The following LUC7L3 variants were observed in gnomAD, a reference collection of about 807,000 sequenced individuals.
LUC7L3 encodes luc7-like protein 3.
Under a neutral mutation model 66.8 loss-of-function variants are expected in LUC7L3, and 6 were observed. That is an observed-to-expected ratio of 0.09 (90% CI 0.05 to 0.18). The LOEUF (loss-of-function observed/expected upper bound fraction) is 0.18. Ranked by LOEUF, LUC7L3 falls within the 10% of genes least tolerant of loss-of-function variation. LUC7L3 has a pLI of 1.00. For synonymous variants in LUC7L3, 160 were observed against 174.7 expected (o/e 0.92, Z 0.66); for missense variants, 341 against 531.1 (o/e 0.64, Z 3.52).
At chr17:50,731,195 GTCTC>G (rs1969583469) in intron 1 of LUC7L3, among the ~76,000 whole-genome samples, 1 of 152,110 alleles carries the variant, frequency 6.6e-6, no homozygotes, top group Non-Finnish European at 1.5e-5. Context: ...TTTTGAGACA[GTCTC>G]TCTCTGTCAT....
intron 7 of LUC7L3, 76 bp from the exon 8 acceptor site, chr17:50,745,644 A>C: frequency 8.5e-7 from 1 of 1,174,792 alleles, no homozygotes; most frequent in Non-Finnish European, 1.2e-6. Context: ...TCTACAGATA[A>C]CTTCACATTA....
Position 50,752,814 on chromosome 17 carries a change from T to G in LUC7L3, c.*2153T>G, listed in dbSNP as rs1027242643. On this transcript the variant is annotated 3_prime_UTR_variant, in exon 10 of 10. Transcript: ENST00000505658. ...TTAAGACTAATTTTTATAGACTTTC[T>G]AATGTTTTAAATAATGGTGCTTCAA... 6.6e-6 allele frequency: 1 copy of G among 152,228 alleles called. No homozygotes were observed. Among genetic ancestry groups the G allele is most frequent in the Non-Finnish European group, 1.5e-5 (1 of 68,032 alleles). The allele number at this position is 152,228 out of a possible 1,614,324, so 9.4% of individuals were successfully genotyped here. A position where few individuals can be genotyped will look rare whatever the true frequency, so the allele number is the denominator to read the frequency against.
At chr17:50,730,122 C>G (rs1041270325) in intron 1 of LUC7L3, among the ~76,000 whole-genome samples, 1 of 151,048 alleles carries the variant, frequency 6.6e-6, no homozygotes, top group African/African-American at 2.4e-5. Context: ...ACTATAGGCC[C>G]GCACCACCCC....
intron 1 of LUC7L3, among the ~76,000 whole-genome samples, chr17:50,726,744 T>C (rs866525414): frequency 3.3e-5 from 5 of 152,160 alleles, no homozygotes; most frequent in Admixed American, 6.5e-5. Context: ...TTATAGTTAT[T>C]TTTTTCCCTA....
chr17:50,730,591 A>T lies in LUC7L3; in HGVS notation c.100-6369A>T, dbSNP rs140200954. ...AAAATATTTGATTAGCTCAAAGGAG[A>T]ATTGTATTGCTTAGTGTTGGATCTA... On this transcript the variant is annotated intron_variant, in intron 1 of 9. Transcript: ENST00000505658. Among the ~76,000 whole-genome samples, 553 of 151,014 alleles carry T rather than the reference A, an allele frequency of 3.7e-3. 4 individuals carry two copies. The highest frequency in any genetic ancestry group is 0.013 in the African/African-American group (535 of 41,196).
rs890173817 is a variant in LUC7L3 at position 50,751,949 on chromosome 17, AT to A, written c.*1291del. On this transcript the variant is annotated 3_prime_UTR_variant, in exon 10 of 10. Transcript: ENST00000505658. ...AATGAAAGGAAGTACCAATTAGTTG[AT>A]TTGTTGGTGGCATTCCCCTTTTGGG... 2.9e-5 allele frequency: 30 copies of A among 1,032,496 alleles called. No individual in the cohort carries two copies. The highest frequency in any genetic ancestry group is 9.6e-4 in the Middle Eastern group (2 of 2,088). 64.0% of individuals were successfully genotyped at this position (1,032,496 alleles called of 1,614,324 possible).
chr17:50,738,807 C>A lies in LUC7L3; in HGVS notation c.167-1499C>A, dbSNP rs140918961. On this transcript the variant is annotated intron_variant, in intron 2 of 9. Coordinates refer to ENST00000505658, the MANE Select transcript of LUC7L3 (RefSeq NM_016424.5). ...ATTTGCAGTACTAAAGGACATTCAT[C>A]TTTAGGTTGAGCAGGTCCTACAAGT... 4.6e-5 allele frequency among the ~76,000 whole-genome samples: 7 copies of A among 151,992 alleles called. No homozygotes were observed. The East Asian group carries it at 1.4e-3, about 29-fold the overall frequency.
At chr17:50,740,977 T>G in intron 3 of LUC7L3, 125 bp from the exon 4 acceptor site, 1 of 917,440 alleles carries the variant, frequency 1.1e-6, no homozygotes, top group Non-Finnish European at 1.7e-6. Context: ...GAAAGTCACT[T>G]CAAATACACC....
Position 50,719,652 on chromosome 17 carries a change from G to C in LUC7L3, c.-81G>C, listed in dbSNP as rs1015240920. 1 of 1,207,326 alleles carries C rather than the reference G, an allele frequency of 8.3e-7. No homozygotes were observed. Among genetic ancestry groups the C allele is most frequent in the Non-Finnish European group, 1.2e-6 (1 of 833,848 alleles). The allele number at this position is 1,207,326 out of a possible 1,614,324, so 74.8% of individuals were successfully genotyped here. On this transcript the variant is annotated 5_prime_UTR_variant, in exon 1 of 10. Transcript: ENST00000505658. ...AGGGATTTCGGCCTGAGAGCGGGCC[G>C]AGGAGATTGGCGACGGTGTCGCCCG... is the stretch of plus-strand genomic sequence containing the variant.
intron 2 of LUC7L3, among the ~76,000 whole-genome samples, chr17:50,739,440 TGAG>T (rs1490371172): frequency 6.6e-6 from 1 of 152,024 alleles, no homozygotes; most frequent in Non-Finnish European, 1.5e-5. Flanking sequence ...TCACTCGAGG[TGAG>T]GAGTTCAAGA....
intron 1 of LUC7L3, among the ~76,000 whole-genome samples, chr17:50,721,286 G>C (rs1275487806): frequency 6.6e-6 from 1 of 152,118 alleles, no homozygotes; most frequent in African/African-American, 2.4e-5. Context: ...TTATCAGTTG[G>C]AACAGCCTTG....
At chr17:50,736,687 C>A in intron 1 of LUC7L3, 1 of 340,210 alleles carries the variant, frequency 2.9e-6, no homozygotes, top group South Asian at 4.4e-5. Flanking sequence ...GATGTCTTTC[C>A]CATATTTGTT....
At chr17:50,736,115 A>C (rs1969970204) in intron 1 of LUC7L3, among the ~76,000 whole-genome samples, 2 of 152,226 alleles carry the variant, frequency 1.3e-5, no homozygotes, top group Admixed American at 6.5e-5. Context: ...CCTGGGCAAC[A>C]GAGTGAGTGA....
At chr17:50,740,771 G>C (rs1970299751) in intron 3 of LUC7L3, among the ~76,000 whole-genome samples, 1 of 152,150 alleles carries the variant, frequency 6.6e-6, no homozygotes, top group South Asian at 2.1e-4. Flanking sequence ...TGTTGGCCAG[G>C]CTGGTCTCAA....
intron 1 of LUC7L3, 128 bp downstream of exon 1, chr17:50,719,959 G>C (rs953081469): frequency 5.2e-6 from 4 of 767,926 alleles, no homozygotes; most frequent in Non-Finnish European, 8.0e-6. Context: ...CTGACCCGGT[G>C]CCCATGGAGC....
In LUC7L3 at chr17:50,741,648, C is replaced by T; in HGVS notation, c.352-9C>T. On this transcript the variant is annotated splice_polypyrimidine_tract_variant and intron_variant, in intron 4 of 9. Transcript: ENST00000505658. ...ACTTGTTGGTAATACGTTTTATTGT[C>T]TTCAATAGGCCGCTGGCCCAACAGG... 6.2e-7 allele frequency: 1 copy of T among 1,604,594 alleles called. No homozygotes were observed. The highest frequency in any genetic ancestry group is 8.5e-7 in the Non-Finnish European group (1 of 1,172,206).
intron 8 of LUC7L3, 58 bp downstream of exon 8, chr17:50,746,061 T>G: frequency 6.6e-7 from 1 of 1,516,374 alleles, no homozygotes; most frequent in Non-Finnish European, 8.8e-7. Flanking sequence ...ATAACAATAA[T>G]AACTACTAGT....
intron 1 of LUC7L3, among the ~76,000 whole-genome samples, chr17:50,733,205 T>C (rs1032172032): frequency 6.6e-6 from 1 of 151,848 alleles, no homozygotes; most frequent in Non-Finnish European, 1.5e-5. Flanking sequence ...AGAAATGAAA[T>C]GTTTATAAGT....
Position 50,745,911 on chromosome 17 carries a change from A to G in LUC7L3, c.885A>G (p.Ser295=). The change falls in exon 8 of 10, where the codon TCA becomes TCG. Residue 295 remains serine, a synonymous_variant. Coordinates refer to ENST00000505658, the MANE Select transcript of LUC7L3 (RefSeq NM_016424.5). ...GAGAAAGAAGAAAGAGAAGTCGTTC[A>G]CGAAGTAGACACTCAAGCCGAACAT... The part of the protein sequence containing the change: ...RDRERRKRSR[S]RSRHSSRTSD... 3.1e-6 allele frequency: 5 copies of G among 1,613,644 alleles called. No individual in the cohort carries two copies. Among genetic ancestry groups the G allele is most frequent in the Non-Finnish European group, 4.2e-6 (5 of 1,179,786 alleles).
Sources: gnomAD v4.1 joint callset for allele counts (sites outside exome capture counted in the v4.1 genomes callset) on GRCh38, gnomAD v4.1.1 for gene constraint, MANE v1.5 for transcripts, NCBI Gene and HGNC (gene_info 2026-07-23, HGNC 2026-07-21) for gene names.